Variants in NCKAP1L observed in about 807,000 individuals in gnomAD.
NCKAP1L encodes nck-associated protein 1-like.
A neutral mutation model predicts 139.2 loss-of-function variants in NCKAP1L; 53 were observed. That is an observed-to-expected ratio of 0.38 (90% CI 0.31 to 0.48). The LOEUF is 0.48. Ranked by LOEUF, NCKAP1L falls within the 20% of genes least tolerant of loss-of-function variation. The pLI, the probability that NCKAP1L is intolerant of heterozygous loss-of-function variation, is 0.98. For synonymous variants in NCKAP1L, 468 were observed against 499.7 expected (o/e 0.94, Z 0.85); for missense variants, 1,151 against 1,381.9 (o/e 0.83, Z 2.65).
chr12:54,519,558 C>T (rs1177399336), intron 16 of NCKAP1L, among the ~76,000 whole-genome samples: 6 of 151,654 alleles, frequency 4.0e-5, no homozygotes, highest in Non-Finnish European at 5.9e-5. Flanking sequence ...CGAGAGCCAC[C>T]AAGCTCTGAA....
chr12:54,510,393 T>G, intron 7 of NCKAP1L: 1 of 414,988 alleles, frequency 2.4e-6, no homozygotes, highest in Admixed American at 2.7e-5. Context: ...GCATGATCAC[T>G]GCTTACTGCA....
chr12:54,506,796 A>ATATATATATATGTATATAT (rs1555170865), intron 3 of NCKAP1L, among the ~76,000 whole-genome samples: 1 of 50,606 alleles, frequency 2.0e-5, no homozygotes, highest in South Asian at 1.2e-3. Flanking sequence ...AAAAAAAAAA[A>ATATATATATATGTATATAT]ATATATATAT....
chr12:54,504,836 A>G (rs1956827632), intron 3 of NCKAP1L, among the ~76,000 whole-genome samples: 1 of 152,252 alleles, frequency 6.6e-6, no homozygotes, highest in African/African-American at 2.4e-5. Flanking sequence ...TGTTTAGCAT[A>G]TAGTAAGGCA....
At chr12:54,533,107 G>A (rs1167582420) in intron 26 of NCKAP1L, among the ~76,000 whole-genome samples, 1 of 152,188 alleles carries the variant, frequency 6.6e-6, no homozygotes, top group Non-Finnish European at 1.5e-5. Flanking sequence ...TGACTGTGGG[G>A]GCAGTGAGGG....
rs1956872645 is a variant in NCKAP1L at position 54,509,770 on chromosome 12, TGACAATG to T, written c.597+14_597+20del. The T allele has an allele frequency of 6.2e-7, 1 of 1,614,088 alleles. No individual in the cohort carries two copies. Among genetic ancestry groups the T allele is most frequent in the East Asian group, 2.2e-5 (1 of 44,894 alleles). On this transcript the variant is annotated intron_variant, in intron 6 of 30. Transcript: ENST00000293373. The stretch of plus-strand genomic sequence containing the variant: ...GGGCCTCACACAAAGGCAAGTTCCC[TGACAATG>T]GAGAATTCCTCAGGCAAAAGTATAT...
rs1463758700 is a variant in NCKAP1L at position 54,545,318 on chromosome 12, T to C, written c.*2633T>C. ...TCAGGTCAGAAAACAGATTTAGAAA[T>C]ATTAAATGACTTAATGAAGGTCACA... On this transcript the variant is annotated 3_prime_UTR_variant, in exon 31 of 31. Coordinates refer to ENST00000293373, the MANE Select transcript of NCKAP1L (RefSeq NM_005337.5). 1 of 152,208 alleles carries C rather than the reference T, an allele frequency of 6.6e-6. No homozygotes were observed. Among genetic ancestry groups the C allele is most frequent in the Non-Finnish European group, 1.5e-5 (1 of 68,036 alleles). The allele number at this position is 152,208 out of a possible 1,614,324, so 9.4% of individuals were successfully genotyped here. A position where few individuals can be genotyped will look rare whatever the true frequency, so the allele number is the denominator to read the frequency against.
At chr12:54,534,788 T>C (rs1481704574) in intron 26 of NCKAP1L, among the ~76,000 whole-genome samples, 1 of 152,094 alleles carries the variant, frequency 6.6e-6, no homozygotes, top group Non-Finnish European at 1.5e-5. Context: ...CCCTGTAGGA[T>C]AGGGAGAGCT....
intron 8 of NCKAP1L, 46 bp downstream of exon 8, chr12:54,511,897 T>C (rs1956892308): frequency 1.9e-6 from 3 of 1,613,940 alleles, no homozygotes; most frequent in African/African-American, 1.3e-5. Context: ...CAGTATGTTA[T>C]ATGAAGAACA....
chr12:54,518,875 T>C, intron 14 of NCKAP1L, 39 bp from the exon 15 acceptor site: 1 of 1,568,112 alleles, frequency 6.4e-7, no homozygotes, highest in Non-Finnish European at 8.8e-7. Flanking sequence ...ATTGGTGTGC[T>C]GTTTATTGTT....
At chr12:54,500,069 G>A (rs979883192) in intron 2 of NCKAP1L, among the ~76,000 whole-genome samples, 2 of 151,912 alleles carry the variant, frequency 1.3e-5, no homozygotes, top group African/African-American at 4.8e-5. Context: ...GAGCACTGAA[G>A]CGTTTCTAAC....
intron 9 of NCKAP1L, among the ~76,000 whole-genome samples, chr12:54,515,858 T>G (rs1332330302): frequency 6.6e-6 from 1 of 152,174 alleles, no homozygotes; most frequent in Non-Finnish European, 1.5e-5. Context: ...GGGCCTGTGT[T>G]GTATTTATAC....
At chr12:54,540,156 C>T in intron 30 of NCKAP1L, among the ~76,000 whole-genome samples, 1 of 152,174 alleles carries the variant, frequency 6.6e-6, no homozygotes, top group East Asian at 1.9e-4. Context: ...AGTTTGTTAG[C>T]TTGATTTAAT....
chr12:54,522,138 T>C (rs1437670562), intron 18 of NCKAP1L, among the ~76,000 whole-genome samples: 1 of 152,172 alleles, frequency 6.6e-6, no homozygotes, highest in Non-Finnish European at 1.5e-5. Context: ...AGAAGGAAGG[T>C]ACACAATTCC....
rs1196399311 is a variant in NCKAP1L at position 54,516,307 on chromosome 12, T to C, written c.998+12T>C. The C allele has an allele frequency of 6.2e-7, 1 of 1,612,206 alleles. No individual in the cohort carries two copies. The highest frequency in any genetic ancestry group is 2.2e-5 in the East Asian group (1 of 44,864). Reference sequence around the variant, plus strand: ...GTAATTGCAAACAGGTAAAGGGTGGTGAATGCACTCTCTGAGAGGGGATGG... The same window carrying C: ...GTAATTGCAAACAGGTAAAGGGTGGCGAATGCACTCTCTGAGAGGGGATGG... On this transcript the variant is annotated intron_variant, in intron 10 of 30. Transcript: ENST00000293373.
At position 54,518,702 on chromosome 12, in the gene NCKAP1L, A is replaced by G. The variant is rs1156248081; in HGVS notation, c.1390A>G (p.Ser464Gly). 6.2e-7 allele frequency: 1 copy of G among 1,614,034 alleles called. No individual in the cohort carries two copies. The highest frequency in any genetic ancestry group is 2.2e-5 in the East Asian group (1 of 44,874). ...GTCCATCATCATGTCCTCATTCGTC[A>G]GTATCCTCTCCTCTCTGAATCTCAA... is the stretch of plus-strand genomic sequence containing the variant. ...EESIIMSSFVSILSSLNLKQV... is the reference protein window; with the variant it reads ...EESIIMSSFVGILSSLNLKQV... The change falls in exon 14 of 31, where the codon AGT becomes GGT. Residue 464 changes from serine to glycine, a missense_variant. Ser to Gly is a moderately conservative substitution (Grantham distance 56). Transcript: ENST00000293373.
chr12:54,508,867 C>A (rs143664772), intron 5 of NCKAP1L, among the ~76,000 whole-genome samples: 51 of 152,164 alleles, frequency 3.4e-4, no homozygotes, highest in African/African-American at 1.2e-3. Flanking sequence ...TCAGTATGCA[C>A]GGGATATTGG....
chr12:54,518,672 G>A lies in NCKAP1L; in HGVS notation c.1360G>A (p.Glu454Lys). 1.4e-5 allele frequency: 23 copies of A among 1,614,094 alleles called. No individual in the cohort carries two copies. The highest frequency in any genetic ancestry group is 1.9e-5 in the Non-Finnish European group (23 of 1,179,980). ...IIQNLSVCPE[E>K]ESIIMSSFVS... ...TTAGAACTTGTCTGTGTGTCCAGAG[G>A]AGGAGTCCATCATCATGTCCTCATT... The change falls in exon 14 of 31, where the codon GAG (glutamate) becomes AAG (lysine). Residue 454 changes from glutamate (E) to lysine (K), a missense_variant. Coordinates refer to ENST00000293373, the MANE Select transcript of NCKAP1L (RefSeq NM_005337.5).
chr12:54,505,544 G>T (rs750432972), intron 3 of NCKAP1L, among the ~76,000 whole-genome samples: 3 of 150,626 alleles, frequency 2.0e-5, no homozygotes, highest in Non-Finnish European at 4.4e-5. Context: ...TTTTCTAGCA[G>T]TTCAAATAAA....
Position 54,512,037 on chromosome 12 carries a change from C to A in NCKAP1L, c.873C>A (p.Ile291=). 6.2e-7 allele frequency: 1 copy of A among 1,614,232 alleles called. No homozygotes were observed. The change falls in exon 9 of 31, where the codon ATC becomes ATA. Residue 291 remains isoleucine (I), a synonymous_variant. Transcript: ENST00000293373. ...WKLCLQGSLY[I]TLIREDVLQV... is the part of the protein sequence containing the mutation. ...TGTGTCTGCAGGGCTCCCTCTACAT[C>A]ACCCTTATCCGTGAGGATGTGCTGC... is the stretch of plus-strand genomic sequence containing the variant.
Sources: allele counts gnomAD v4.1 joint callset (sites outside exome capture counted in the v4.1 genomes callset), GRCh38; gene constraint gnomAD v4.1.1; transcripts MANE v1.5; gene names NCBI Gene and HGNC (gene_info 2026-07-23, HGNC 2026-07-21).